WRAP73: variants seen among roughly 807,000 people sequenced by gnomAD.
The protein encoded by WRAP73 is WD repeat containing, antisense to TP73, also known as WD repeat-containing protein WRAP73.
In WRAP73, 55 loss-of-function variants were observed where a neutral mutation model predicts 59.6. The observed-to-expected ratio is 0.92, with a 90% CI of 0.74 to 1.15. WRAP73 has a LOEUF of 1.15. Ranked by LOEUF, WRAP73 falls within the 50% of genes most tolerant of loss-of-function variation. The probability of loss-of-function intolerance (pLI) is 0.00; values close to 1 mark genes in which losing one functional copy is unlikely to be tolerated. For missense variants in WRAP73, 592 were observed against 608.1 expected (o/e 0.97, Z 0.28); for synonymous variants, 265 against 258.2 (o/e 1.03, Z -0.25).
At chr1:3,649,815 A>C in intron 1 of WRAP73, 116 bp downstream of exon 1, 1 of 1,128,544 alleles carries the variant, frequency 8.9e-7, no homozygotes. Flanking sequence ...CTGTCCGGGC[A>C]CCGCACCTGC....
chr1:3,649,902 T>C (rs574145572), intron 1 of WRAP73, 29 bp downstream of exon 1: 3 of 1,582,670 alleles, frequency 1.9e-6, no homozygotes, highest in Admixed American at 3.6e-5. Flanking sequence ...GAGGATGTCC[T>C]GCCCGTGGCC....
At chr1:3,640,761 T>A (rs1170519496) in intron 3 of WRAP73, among the ~76,000 whole-genome samples, 1 of 151,620 alleles carries the variant, frequency 6.6e-6, no homozygotes, top group Non-Finnish European at 1.5e-5. Flanking sequence ...CATCTCAGCA[T>A]CAGCAGGGCG....
chr1:3,632,061 G>A (rs1361017366), intron 10 of WRAP73, 152 bp downstream of exon 10: 14 of 1,495,088 alleles, frequency 9.4e-6, no homozygotes, highest in Non-Finnish European at 1.1e-5. Context: ...CGCCTCCAAG[G>A]AGCTTCTGTG....
Position 3,647,554 on chromosome 1 carries a change from A to C in WRAP73, c.76T>G (p.Cys26Gly), listed in dbSNP as rs1644703990. 2 of 1,608,892 alleles carry C rather than the reference A, an allele frequency of 1.2e-6. No individual in the cohort carries two copies. Among genetic ancestry groups the C allele is most frequent in the African/African-American group, 2.7e-5 (2 of 74,546 alleles). Residue 26 changes from cysteine to glycine, a missense_variant, in exon 2 of 12, where the codon TGT becomes GGT. Physicochemically the swap from Cys to Gly is radical, Grantham distance 159. Transcript: ENST00000270708. ...CGGACCACTAACCGGTACTGGACACAGGAAGCCTAAAAAATATGAGAAAGC... is the reference window on the plus strand; with the variant it reads ...CGGACCACTAACCGGTACTGGACACCGGAAGCCTAAAAAATATGAGAAAGC... ...FSPDGKYLAS[C>G]VQYRLVVRDV...
rs1447058377 is a variant in WRAP73, at chr1:3,631,883, G to GTGT, written c.1049-227_1049-226insACA. 144 of 1,269,518 alleles carry GTGT rather than the reference G, an allele frequency of 1.1e-4. No homozygotes were observed. In the African/African-American group the frequency reaches 1.2e-3, roughly 11 times the overall value. 78.6% of individuals were successfully genotyped at this position (1,269,518 alleles called of 1,614,324 possible). A position where few individuals can be genotyped will look rare whatever the true frequency, so the allele number is the denominator to read the frequency against. On this transcript the variant is annotated intron_variant, in intron 10 of 11. Transcript: ENST00000270708. ...GGGCCCAAATGTGTTTCTTTCTTTG[G>GTGT]TATTTTTTTTTTTTTTTTAGCCCTT...
At chr1:3,642,844 G>A (rs1644659479) in intron 3 of WRAP73, among the ~76,000 whole-genome samples, 1 of 152,002 alleles carries the variant, frequency 6.6e-6, no homozygotes, top group South Asian at 2.1e-4. Flanking sequence ...GCATGTGTGA[G>A]CGTCTGTGTG....
chr1:3,631,507 C>T lies in WRAP73; in HGVS notation c.1199G>A (p.Trp400Ter). 1.2e-6 allele frequency: 2 copies of T among 1,609,362 alleles called. No individual in the cohort carries two copies. Among genetic ancestry groups the T allele is most frequent in the Non-Finnish European group, 1.7e-6 (2 of 1,178,414 alleles). Reference sequence around the variant, plus strand: ...CACCGACATGCAGCCCGCTGGGGACCACAGGTAGAGCCTGCTGCCTCCCGT... The same window carrying T: ...CACCGACATGCAGCCCGCTGGGGACTACAGGTAGAGCCTGCTGCCTCCCGT... ...ICTGGSRLYL[W>*]SPAGCMSVQV... Residue 400 changes from tryptophan to a stop codon, truncating the protein, a stop_gained, in exon 11 of 12, where the codon TGG becomes TAG. Transcript: ENST00000270708. LOFTEE classifies it high-confidence loss of function.
chr1:3,645,327 T>G (rs1035123554), intron 3 of WRAP73, among the ~76,000 whole-genome samples: 1 of 151,930 alleles, frequency 6.6e-6, no homozygotes, highest in South Asian at 2.1e-4. Context: ...ACGGGAGGGC[T>G]GCAGTGTGGT....
chr1:3,645,311 A>G (rs1257202709), intron 3 of WRAP73, among the ~76,000 whole-genome samples: 2 of 152,116 alleles, frequency 1.3e-5, no homozygotes, highest in Non-Finnish European at 1.5e-5. Flanking sequence ...TGCGCGGCGC[A>G]GCGGGACGGG....
At position 3,647,535 on chromosome 1, in the gene WRAP73, A is replaced by G. The variant is rs1384308799; in HGVS notation, c.95T>C (p.Val32Ala). The G allele has an allele frequency of 6.2e-7, 1 of 1,613,934 alleles. No individual in the cohort carries two copies. ...YLASCVQYRL[V>A]VRDVNTLQIL... ...CTGAAGGGTGTTCACATCCCGGACC[A>G]CTAACCGGTACTGGACACAGGAAGC... The change falls in exon 2 of 12, where the codon GTG (valine) becomes GCG (alanine). Residue 32 changes from valine to alanine, a missense_variant. By Grantham distance (64) the Val-to-Ala change is moderately conservative. Coordinates refer to ENST00000270708, the MANE Select transcript of WRAP73 (RefSeq NM_017818.4).
chr1:3,638,970 C>G, intron 3 of WRAP73, 148 bp from the exon 4 acceptor site: 1 of 730,512 alleles, frequency 1.4e-6, no homozygotes, highest in Non-Finnish European at 2.2e-6. Flanking sequence ...TGCCCTCCTA[C>G]CGGAATATTC....
rs375651004 is a variant in WRAP73, at chr1:3,646,938, C to G, written c.223-156G>C. Among the ~76,000 whole-genome samples the G allele has an allele frequency of 9.9e-6, 1 of 100,536 alleles. No individual in the cohort carries two copies. The highest frequency in any genetic ancestry group is 3.0e-5 in the African/African-American group (1 of 33,102). The allele number at this position is 100,536 out of a possible 152,430, so 66.0% of individuals were successfully genotyped here. A position where few individuals can be genotyped will look rare whatever the true frequency, so the allele number is the denominator to read the frequency against. ...CGAGGCCTCGCCGAGAGACAACTCC[C>G]TTAAAACCAGCAGAGACCCGATCAC... On this transcript the variant is annotated intron_variant, in intron 2 of 11. Coordinates refer to ENST00000270708, the MANE Select transcript of WRAP73 (RefSeq NM_017818.4). The surrounding 1 kb of genome is among the most constrained non-coding windows in gnomAD (Gnocchi z 5.1).
intron 3 of WRAP73, among the ~76,000 whole-genome samples, chr1:3,642,529 G>A (rs1300298345): frequency 1.3e-5 from 2 of 152,014 alleles, no homozygotes; most frequent in South Asian, 2.1e-4. Context: ...AACTGAGGTC[G>A]AGAGTTTGAG....
chr1:3,631,959 T>C (rs1340859588), intron 10 of WRAP73: 2 of 1,398,642 alleles, frequency 1.4e-6, no homozygotes, highest in African/African-American at 2.9e-5. Context: ...TGCCCAGCCC[T>C]GCTTTCTACT....
At chr1:3,644,885 G>A (rs146999119) in intron 3 of WRAP73, among the ~76,000 whole-genome samples, 2,176 of 152,310 alleles carry the variant, frequency 0.014, 20 homozygotes, top group Non-Finnish European at 0.023. Flanking sequence ...CAACAAGGCT[G>A]ACCCCATGAC....
intron 9 of WRAP73, chr1:3,632,858 C>T (rs112837667): frequency 7.6e-5 from 16 of 210,166 alleles, no homozygotes; most frequent in Admixed American, 4.8e-4. Context: ...GAGCACACAC[C>T]GAGCCCCGGG....
chr1:3,636,861 C>T (rs770218299), intron 5 of WRAP73, 134 bp downstream of exon 5: 9 of 944,728 alleles, frequency 9.5e-6, no homozygotes, highest in South Asian at 5.6e-5. Flanking sequence ...TCGCAGCGCA[C>T]CTGCCCTTTG....
At chr1:3,637,592 G>C (rs889629605) in intron 4 of WRAP73, among the ~76,000 whole-genome samples, 2 of 152,154 alleles carry the variant, frequency 1.3e-5, no homozygotes, top group African/African-American at 4.8e-5. Context: ...CTGTAATCCC[G>C]GCACTTTGGG....
intron 1 of WRAP73, among the ~76,000 whole-genome samples, 186 bp downstream of exon 1, chr1:3,649,745 C>T (rs978790183): frequency 6.6e-6 from 1 of 151,776 alleles, no homozygotes; most frequent in Non-Finnish European, 1.5e-5. Context: ...GGTCCCGCAC[C>T]TGTCTGGGGC....
Sources: gnomAD v4.1 joint callset for allele counts (sites outside exome capture counted in the v4.1 genomes callset) on GRCh38, gnomAD v4.1.1 for gene constraint, Gnocchi (gnomAD v3.1) non-coding constraint, MANE v1.5 for transcripts, NCBI Gene and HGNC (gene_info 2026-07-23, HGNC 2026-07-21) for gene names.